UBE2W: variants seen among roughly 807,000 people sequenced by gnomAD.
UBE2W encodes ubiquitin conjugating enzyme E2 W, also known as ubiquitin-conjugating enzyme E2 W.
UBE2W carries 18 observed loss-of-function variants against 27.2 expected under a neutral mutation model. The observed-to-expected ratio is 0.66, with a 90% CI of 0.46 to 0.98. The LOEUF (loss-of-function observed/expected upper bound fraction) is 0.98. Among genes scored for constraint, UBE2W ranks in the 50% least tolerant of loss-of-function variants. The probability of loss-of-function intolerance (pLI) is 0.00; values close to 1 mark genes in which losing one functional copy is unlikely to be tolerated. For synonymous variants in UBE2W, 53 were observed against 57.2 expected, an observed-to-expected ratio of 0.93 and a Z score of 0.33; for missense variants, 90 against 180.2, an observed-to-expected ratio of 0.50 and a Z score of 2.87.
chr8:73,805,472 C>CAAAAAAAAAAAAAACAAAAAAAAAAA, intron 5 of UBE2W, among the ~76,000 whole-genome samples, 179 bp downstream of exon 5: 11 of 43,684 alleles, frequency 2.5e-4, no homozygotes, highest in Admixed American at 3.9e-4. Context: ...AAAAAAAAAA[C>CAAAAAAAAAAAAAACAAAAAAAAAAA]AAAAAAAACT....
intron 1 of UBE2W, among the ~76,000 whole-genome samples, chr8:73,835,616 C>T (rs903215447): frequency 2.0e-5 from 3 of 152,054 alleles, no homozygotes; most frequent in Non-Finnish European, 4.4e-5. Flanking sequence ...TGGTGGCATG[C>T]GTCTGTAATC....
intron 1 of UBE2W, among the ~76,000 whole-genome samples, chr8:73,874,729 T>A (rs1483259205): frequency 6.6e-6 from 1 of 152,238 alleles, no homozygotes; most frequent in Non-Finnish European, 1.5e-5. Context: ...TTAACTCCTA[T>A]CAATTTTAGG....
chr8:73,842,762 T>C (rs79836674), intron 1 of UBE2W, among the ~76,000 whole-genome samples: 3,667 of 152,242 alleles, frequency 0.024, 155 homozygotes, highest in African/African-American at 0.084. Flanking sequence ...GAGGACATAC[T>C]GTTTGCACTA....
chr8:73,811,435 A>T (rs1244750267), intron 3 of UBE2W, among the ~76,000 whole-genome samples: 3 of 152,192 alleles, frequency 2.0e-5, no homozygotes, highest in African/African-American at 7.2e-5. Flanking sequence ...GAATAAATTC[A>T]TATATCCTGA....
At chr8:73,801,413 T>A (rs904461261) in intron 5 of UBE2W, among the ~76,000 whole-genome samples, 19 of 152,276 alleles carry the variant, frequency 1.2e-4, no homozygotes, top group Non-Finnish European at 1.6e-4. Flanking sequence ...TGTGTACTTT[T>A]AAAAAAACTC....
intron 3 of UBE2W, among the ~76,000 whole-genome samples, chr8:73,820,806 C>G (rs1809581475): frequency 6.6e-6 from 1 of 151,738 alleles, no homozygotes. Flanking sequence ...AAAAACCAAG[C>G]CAGGCATGGC....
At chr8:73,802,752 G>A (rs1443541041) in intron 5 of UBE2W, among the ~76,000 whole-genome samples, 2 of 152,028 alleles carry the variant, frequency 1.3e-5, no homozygotes, top group Non-Finnish European at 1.5e-5. Flanking sequence ...GGCCGGGTGT[G>A]GAGGCTCATG....
chr8:73,836,422 T>C (rs1166078628), intron 1 of UBE2W, among the ~76,000 whole-genome samples: 3 of 152,326 alleles, frequency 2.0e-5, no homozygotes, highest in Admixed American at 2.0e-4. Context: ...GGTCAAGCAA[T>C]GTGTAGTATC....
intron 3 of UBE2W, among the ~76,000 whole-genome samples, chr8:73,816,662 GTCCCCT>G (rs1809399421): frequency 6.6e-6 from 1 of 152,170 alleles, no homozygotes; most frequent in African/African-American, 2.4e-5. Context: ...AAGAGACACT[GTCCCCT>G]TCCCTCTAAA....
chr8:73,865,207 A>AT (rs1491449891), intron 1 of UBE2W, among the ~76,000 whole-genome samples: 1 of 144,396 alleles, frequency 6.9e-6, no homozygotes, highest in African/African-American at 2.6e-5. Context: ...AAAAAAAAAA[A>AT]GCACTGCGAG....
intron 1 of UBE2W, among the ~76,000 whole-genome samples, chr8:73,866,285 AAAAAAATATATATAT>A (rs1457996226): frequency 4.6e-5 from 5 of 107,852 alleles, no homozygotes; most frequent in African/African-American, 1.3e-4. Context: ...AAAAAAAAAA[AAAAAAATATATATAT>A]ATATATATAT....
chr8:73,833,234 G>C (rs920102961), intron 1 of UBE2W, among the ~76,000 whole-genome samples: 1 of 116,830 alleles, frequency 8.6e-6, no homozygotes, highest in Admixed American at 8.7e-5. Context: ...AATCCTTAAA[G>C]AATGTCATTT....
chr8:73,851,041 G>A (rs879037314), intron 1 of UBE2W, among the ~76,000 whole-genome samples: 1 of 151,918 alleles, frequency 6.6e-6, no homozygotes, highest in African/African-American at 2.4e-5. Flanking sequence ...TGTAGAGATA[G>A]GATTGCGCCA....
chr8:73,857,771 G>C (rs189735277), intron 1 of UBE2W, among the ~76,000 whole-genome samples: 1 of 151,802 alleles, frequency 6.6e-6, no homozygotes, highest in Non-Finnish European at 1.5e-5. Flanking sequence ...AGCCGAAATC[G>C]CGCCACTGCA....
exon 5 of UBE2W, chr8:73,780,352 G>A: frequency 2.9e-6 from 1 of 345,078 alleles, no homozygotes; most frequent in South Asian, 2.4e-5. Context: ...ATTGGATTAA[G>A]GCCACATTCT....
chr8:73,852,927 G>A (rs1458136898), intron 1 of UBE2W, among the ~76,000 whole-genome samples: 2 of 152,148 alleles, frequency 1.3e-5, no homozygotes, highest in Non-Finnish European at 2.9e-5. Context: ...CTTTAAGACT[G>A]TAAGTTAGGT....
intron 1 of UBE2W, among the ~76,000 whole-genome samples, chr8:73,847,845 T>A (rs1021552549): frequency 3.3e-5 from 5 of 151,690 alleles, no homozygotes; most frequent in African/African-American, 1.2e-4. Flanking sequence ...GAGGTTGCCA[T>A]GAGCCAAGAT....
At position 73,819,253 on chromosome 8, in the gene UBE2W, G is replaced by A. The variant is rs140949306; in HGVS notation, c.210+5894C>T. 9.6e-3 allele frequency among the ~76,000 whole-genome samples: 1,459 copies of A among 152,156 alleles called. 14 individuals carry two copies. Among genetic ancestry groups the A allele is most frequent in the Middle Eastern group, 0.044 (13 of 294 alleles). Reference sequence around the variant, plus strand: ...TCCCTCACCATCTTCCATACTATATGTATTCTACTCGTTGCTTACTGTCTC... The same window carrying A: ...TCCCTCACCATCTTCCATACTATATATATTCTACTCGTTGCTTACTGTCTC... On this transcript the variant is annotated intron_variant, in intron 3 of 5. Transcript: ENST00000602593.
chr8:73,844,908 C>T lies in UBE2W; in HGVS notation c.16-14436G>A, dbSNP rs571335752. 1.5e-3 allele frequency among the ~76,000 whole-genome samples: 230 copies of T among 149,588 alleles called. 1 individual carries two copies. The highest frequency in any genetic ancestry group is 2.6e-3 in the East Asian group (13 of 4,928). ...CTGAGAAGTGAGGAGCCCCTCCGCC[C>T]GGCAGCCGCCCGGTCTGGGAAGTGA... On this transcript the variant is annotated intron_variant, in intron 1 of 5. Transcript: ENST00000602593.
Sources: gnomAD v4.1 joint callset for allele counts (sites outside exome capture counted in the v4.1 genomes callset) on GRCh38, gnomAD v4.1.1 for gene constraint, MANE v1.5 for transcripts, NCBI Gene and HGNC (gene_info 2026-07-23, HGNC 2026-07-21) for gene names.